ADAM32: variants seen among roughly 807,000 people sequenced by gnomAD.
ADAM32 encodes disintegrin and metalloproteinase domain-containing protein 32.
A neutral mutation model predicts 114.9 loss-of-function variants in ADAM32; 89 were observed. The ratio of observed to expected loss-of-function variants is 0.77; its 90% CI spans 0.65 to 0.92. ADAM32 has a LOEUF of 0.92. Among genes scored for constraint, ADAM32 ranks in the 40% least tolerant of loss-of-function variants. The probability of loss-of-function intolerance (pLI) is 0.00; values close to 1 mark genes in which losing one functional copy is unlikely to be tolerated. For synonymous variants in ADAM32, 285 were observed against 307.5 expected (o/e 0.93, Z 0.77); for missense variants, 870 against 932.8 (o/e 0.93, Z 0.88).
At chr8:39,257,090 A>G (rs1226046807) in intron 18 of ADAM32, 97 bp from the exon 19 acceptor site, 9 of 1,200,032 alleles carry the variant, frequency 7.5e-6, no homozygotes, top group Non-Finnish European at 1.0e-5. Context: ...GAATAACAAT[A>G]CAAATTCAGA....
At chr8:39,129,125 CT>C (rs71218309) in intron 2 of ADAM32, among the ~76,000 whole-genome samples, 93,269 of 133,332 alleles carry the variant, frequency 0.7, 31,539 homozygotes, top group East Asian at 0.78. Context: ...TTTTTTTTGT[CT>C]TTTTTTTTTT....
intron 11 of ADAM32, among the ~76,000 whole-genome samples, chr8:39,192,482 G>A (rs1806672677): frequency 6.6e-6 from 1 of 152,140 alleles, no homozygotes; most frequent in South Asian, 2.1e-4. Context: ...ACCACTCCAT[G>A]CCTTTTAATT....
chr8:39,133,141 G>A (rs540729452), intron 2 of ADAM32, among the ~76,000 whole-genome samples: 53 of 152,192 alleles, frequency 3.5e-4, no homozygotes, highest in African/African-American at 1.1e-3. Context: ...CCTCATGGGA[G>A]GTGTTTGGGT....
intron 22 of ADAM32, among the ~76,000 whole-genome samples, chr8:39,276,828 C>T (rs181759162): frequency 5.9e-5 from 9 of 152,220 alleles, no homozygotes; most frequent in African/African-American, 1.9e-4. Context: ...TCAGGCCCAG[C>T]GAGCCTCAGT....
At chr8:39,223,293 AGGATAAT>A in intron 14 of ADAM32, 55 bp downstream of exon 14, 1 of 1,226,622 alleles carries the variant, frequency 8.2e-7, no homozygotes, top group Non-Finnish European at 1.1e-6. Context: ...TAACATTACC[AGGATAAT>A]GGGGTATATT....
chr8:39,108,019 C>T, intron 1 of ADAM32, 186 bp downstream of exon 1: 2 of 752,860 alleles, frequency 2.7e-6, no homozygotes, highest in Non-Finnish European at 2.0e-6. Context: ...CACCAGGGCT[C>T]ACGCCTGTAA....
At chr8:39,137,939 A>T (rs886105940) in intron 3 of ADAM32, among the ~76,000 whole-genome samples, 15 of 152,204 alleles carry the variant, frequency 9.9e-5, no homozygotes, top group Non-Finnish European at 4.4e-5. Flanking sequence ...GAGAGCTCAC[A>T]TTGCATTTGA....
intron 1 of ADAM32, chr8:39,108,044 G>C (rs1840000573): frequency 1.7e-6 from 1 of 577,562 alleles, no homozygotes; most frequent in South Asian, 3.9e-5. Flanking sequence ...AGGGCTTTGA[G>C]AGACTGAGGC....
At chr8:39,145,852 TCC>T (rs1180285117) in intron 3 of ADAM32, among the ~76,000 whole-genome samples, 2 of 152,028 alleles carry the variant, frequency 1.3e-5, no homozygotes, top group African/African-American at 4.8e-5. Flanking sequence ...TGCCTCAGCC[TCC>T]CAAGTAGCTG....
chr8:39,254,407 A>T lies in ADAM32; in HGVS notation c.1903-7A>T. On this transcript the variant is annotated splice_region_variant and splice_polypyrimidine_tract_variant and intron_variant, in intron 17 of 24. Coordinates refer to ENST00000379907, the MANE Select transcript of ADAM32 (RefSeq NM_145004.7). The stretch of plus-strand genomic sequence containing the variant: ...AACAATCATTTAATTTTTCAAAATG[A>T]TCCTAGGTGTGTGATTCCAGAAACA... The T allele has an allele frequency of 6.3e-7, 1 of 1,576,276 alleles. No individual in the cohort carries two copies. Among genetic ancestry groups the T allele is most frequent in the Non-Finnish European group, 8.6e-7 (1 of 1,156,648 alleles).
rs199865553 is a variant in ADAM32 at position 39,169,975 on chromosome 8, G to A, written c.893G>A (p.Arg298His). The change falls in exon 10 of 25, where the codon CGT (arginine) becomes CAT (histidine). Residue 298 changes from arginine (R) to histidine (H), a missense_variant. Coordinates refer to ENST00000379907, the MANE Select transcript of ADAM32 (RefSeq NM_145004.7). Reference protein sequence around the residue: ...AVFPGTMCITRYSAGVALYPK... With the variant: ...AVFPGTMCITHYSAGVALYPK... ...TTTCCTGGAACAATGTGTATTACTCGTTATTCTGCAGGAGTTGCATTGGTA... is the reference window on the plus strand; with the variant it reads ...TTTCCTGGAACAATGTGTATTACTCATTATTCTGCAGGAGTTGCATTGGTA... 6.1e-5 allele frequency: 98 copies of A among 1,596,260 alleles called. No individual in the cohort carries two copies. In the African/African-American group the frequency reaches 9.1e-4, roughly 15 times the overall value.
At chr8:39,238,795 CA>C (rs1410899703) in intron 16 of ADAM32, among the ~76,000 whole-genome samples, 2 of 151,792 alleles carry the variant, frequency 1.3e-5, no homozygotes, top group South Asian at 4.2e-4. Flanking sequence ...AAAGTTTCAA[CA>C]ATAGAATTGA....
At chr8:39,259,876 A>G (rs1342970775) in intron 19 of ADAM32, among the ~76,000 whole-genome samples, 4 of 152,222 alleles carry the variant, frequency 2.6e-5, no homozygotes, top group African/African-American at 9.6e-5. Flanking sequence ...CACAGCCAGT[A>G]TAATGGTATC....
intron 19 of ADAM32, among the ~76,000 whole-genome samples, chr8:39,270,625 G>A (rs1417960169): frequency 6.6e-6 from 1 of 152,196 alleles, no homozygotes; most frequent in East Asian, 1.9e-4. Context: ...ATCAGAAAAA[G>A]CAAATTTGGG....
chr8:39,162,277 T>TG (rs1256427618), intron 7 of ADAM32, among the ~76,000 whole-genome samples: 2 of 151,148 alleles, frequency 1.3e-5, no homozygotes, highest in African/African-American at 4.9e-5. Flanking sequence ...TTTTTGTCCT[T>TG]GCGATAGTTT....
intron 2 of ADAM32, among the ~76,000 whole-genome samples, chr8:39,121,215 G>A (rs926726157): frequency 3.3e-5 from 5 of 152,244 alleles, no homozygotes; most frequent in African/African-American, 7.2e-5. Context: ...GATCAGAGAC[G>A]GGATTACATC....
intron 11 of ADAM32, among the ~76,000 whole-genome samples, chr8:39,202,237 G>C (rs1041442640): frequency 1.3e-5 from 2 of 152,142 alleles, no homozygotes; most frequent in Non-Finnish European, 2.9e-5. Context: ...GTAGAATTTG[G>C]CTGTGAATCC....
chr8:39,193,054 G>T (rs1192813936), intron 11 of ADAM32, among the ~76,000 whole-genome samples: 1 of 152,172 alleles, frequency 6.6e-6, no homozygotes, highest in Non-Finnish European at 1.5e-5. Context: ...GAATTTGAAT[G>T]TTGGCCTCTC....
intron 2 of ADAM32, among the ~76,000 whole-genome samples, chr8:39,129,348 G>C (rs1470135781): frequency 6.6e-6 from 1 of 151,992 alleles, no homozygotes; most frequent in East Asian, 1.9e-4. Flanking sequence ...TGAGGTTTTT[G>C]TAAAGGCCTT....
Sources: allele counts gnomAD v4.1 joint callset (sites outside exome capture counted in the v4.1 genomes callset), GRCh38; gene constraint gnomAD v4.1.1; transcripts MANE v1.5; gene names NCBI Gene and HGNC (gene_info 2026-07-23, HGNC 2026-07-21).